The following SARDH variants were observed in gnomAD, a reference collection of about 807,000 sequenced individuals.
SARDH encodes the protein sarcosine dehydrogenase, mitochondrial.
A neutral mutation model predicts 109.1 loss-of-function variants in SARDH; 95 were observed. The observed-to-expected ratio is 0.87, with a 90% CI of 0.74 to 1.03. SARDH has a LOEUF of 1.03. Ranked by LOEUF, SARDH falls within the 50% of genes least tolerant of loss-of-function variation. SARDH has a pLI of 0.00. For missense variants in SARDH, 1,267 were observed against 1,287.8 expected (o/e 0.98, Z 0.25); for synonymous variants, 572 against 534.8 (o/e 1.07, Z -0.96).
Position 133,712,566 on chromosome 9 carries a change from C to A in SARDH, c.1328+53G>T. ...TCAGTAGCCCTCGCTGTTTACCCCA[C>A]GCCACCTGTCCTGAGTGGCGGGCCC... On this transcript the variant is annotated intron_variant, in intron 10 of 20. Transcript: ENST00000439388. This position sits in a 1 kb window ranked among gnomAD's most constrained non-coding sequence, Gnocchi z 4.1. The A allele has an allele frequency of 6.6e-7, 1 of 1,511,266 alleles. No homozygotes were observed. Among genetic ancestry groups the A allele is most frequent in the East Asian group, 2.3e-5 (1 of 44,258 alleles). 93.6% of individuals were successfully genotyped at this position (1,511,266 alleles called of 1,614,324 possible). A position where few individuals can be genotyped will look rare whatever the true frequency, so the allele number is the denominator to read the frequency against.
At chr9:133,683,820 T>C (rs950761062) in intron 17 of SARDH, among the ~76,000 whole-genome samples, 1 of 152,170 alleles carries the variant, frequency 6.6e-6, no homozygotes, top group African/African-American at 2.4e-5. Flanking sequence ...TTCCTTAGCA[T>C]TTCCCCACCC....
intron 1 of SARDH, among the ~76,000 whole-genome samples, chr9:133,734,519 T>G (rs1832816453): frequency 6.6e-6 from 1 of 152,220 alleles, no homozygotes; most frequent in Non-Finnish European, 1.5e-5. Flanking sequence ...TGCAGCAGGC[T>G]CTGTCAGTGC....
chr9:133,727,383 C>T (rs1185990879), intron 6 of SARDH, among the ~76,000 whole-genome samples: 2 of 152,348 alleles, frequency 1.3e-5, no homozygotes, highest in Middle Eastern at 3.4e-3. Flanking sequence ...GGGTAGACAG[C>T]GTCCTGCTGC....
intron 6 of SARDH, 101 bp downstream of exon 6, chr9:133,729,664 G>A: frequency 1.1e-6 from 1 of 951,454 alleles, no homozygotes; most frequent in East Asian, 2.4e-5. Context: ...GGGCAGTGAG[G>A]GGACCCACAA....
At chr9:133,690,782 T>C (rs1831063280) in intron 15 of SARDH, among the ~76,000 whole-genome samples, 1 of 151,972 alleles carries the variant, frequency 6.6e-6, no homozygotes, top group Non-Finnish European at 1.5e-5. Context: ...TGCAGACACC[T>C]CAAAGGGATG....
At chr9:133,659,806 T>G (rs1056783176), downstream of SARDH, among the ~76,000 whole-genome samples, 12 of 152,116 alleles carry the variant, frequency 7.9e-5, no homozygotes, top group Non-Finnish European at 1.3e-4. Flanking sequence ...ACTCCGGCCC[T>G]CTGTCATCTT....
chr9:133,663,143 C>T (rs1588360344), downstream of SARDH, among the ~76,000 whole-genome samples: 1 of 152,224 alleles, frequency 6.6e-6, no homozygotes, highest in Admixed American at 6.5e-5. Context: ...CCCAGCAGCA[C>T]GTCCCTCCTG....
rs1369055056 is a variant in SARDH at position 133,708,416 on chromosome 9, G to C, written c.1341C>G (p.His447Gln). ...TCCAGCGGGGGTGGTCCGTGAGCGA[G>C]TGATGGAAGCGCCTGCCGCAGACAG... is the stretch of plus-strand genomic sequence containing the variant. ...MHGYDIRRFH[H>Q]SLTDHPRWIR... Residue 447 changes from histidine (H) to glutamine (Q), a missense_variant, in exon 11 of 21, where the codon CAC (histidine) becomes CAG (glutamine). Coordinates refer to ENST00000439388, the MANE Select transcript of SARDH (RefSeq NM_001134707.2). The C allele has an allele frequency of 1.9e-6, 3 of 1,610,558 alleles. No individual in the cohort carries two copies. The highest frequency in any genetic ancestry group is 2.5e-6 in the Non-Finnish European group (3 of 1,178,878).
intron 19 of SARDH, among the ~76,000 whole-genome samples, chr9:133,667,420 C>T (rs2131316368): frequency 6.6e-6 from 1 of 152,130 alleles, no homozygotes; most frequent in East Asian, 1.9e-4. Flanking sequence ...CCCACCTCAG[C>T]CTCCCAAAGT....
chr9:133,719,588 G>A (rs989059919), intron 6 of SARDH, among the ~76,000 whole-genome samples: 16 of 152,266 alleles, frequency 1.1e-4, no homozygotes, highest in African/African-American at 3.9e-4. Context: ...GGAGAGGTGG[G>A]TCCTGAGAGG....
downstream of SARDH, among the ~76,000 whole-genome samples, chr9:133,660,274 T>C (rs1832396317): frequency 6.6e-6 from 1 of 152,010 alleles, no homozygotes; most frequent in Non-Finnish European, 1.5e-5. Context: ...AGTTTCTGTT[T>C]CCATTGATGG....
Position 133,731,308 on chromosome 9 carries a change from T to C in SARDH, c.687A>G (p.Ala229=). 2 of 1,614,056 alleles carry C rather than the reference T, an allele frequency of 1.2e-6. No homozygotes were observed. The highest frequency in any genetic ancestry group is 8.5e-7 in the Non-Finnish European group (1 of 1,179,978). The change falls in exon 4 of 21, where the codon GCA becomes GCG. Residue 229 remains alanine, a synonymous_variant. Transcript: ENST00000439388. ...TLARAASARG[A]QVIENCPVTG... is the part of the protein sequence containing the mutation. ...AGAGCCAGGCGGCCATCAGTACCTG[T>C]GCTCCTCGGGCAGAAGCTGCCCTGG...
Position 133,712,823 on chromosome 9 carries a change from C to T in SARDH, c.1238-114G>A. ...ACAGACACTCCAAGCTCTGCTCTCA[C>T]ACCTGGGGTGCTGCACGCCTCCTGA... is the stretch of plus-strand genomic sequence containing the variant. On this transcript the variant is annotated intron_variant, in intron 9 of 20. Coordinates refer to ENST00000439388, the MANE Select transcript of SARDH (RefSeq NM_001134707.2). This position sits in a 1 kb window ranked among gnomAD's most constrained non-coding sequence, Gnocchi z 4.1. 9.3e-7 allele frequency: 1 copy of T among 1,075,258 alleles called. No individual in the cohort carries two copies. The highest frequency in any genetic ancestry group is 1.4e-6 in the Non-Finnish European group (1 of 734,690). 66.6% of individuals were successfully genotyped at this position (1,075,258 alleles called of 1,614,324 possible).
intron 6 of SARDH, among the ~76,000 whole-genome samples, chr9:133,719,640 C>T (rs1365305765): frequency 7.2e-6 from 1 of 139,202 alleles, no homozygotes; most frequent in African/African-American, 2.6e-5. Context: ...CCCCACCCCC[C>T]CACCCCAGGA....
rs148013965 is a variant in SARDH, at chr9:133,704,458, G to A, written c.1554+490C>T. 9.7e-3 allele frequency among the ~76,000 whole-genome samples: 1,474 copies of A among 152,240 alleles called. 24 individuals are homozygous for A. The highest frequency in any genetic ancestry group is 0.033 in the African/African-American group (1,374 of 41,508). ...AGGTCCCTGGGAGTCCCCAGAGGAC[G>A]CCCAGAGTCCAGGCCACTGTGAAAC... On this transcript the variant is annotated intron_variant, in intron 12 of 20. Coordinates refer to ENST00000439388, the MANE Select transcript of SARDH (RefSeq NM_001134707.2). The surrounding 1 kb of genome is among the most constrained non-coding windows in gnomAD (Gnocchi z 4.5).
At chr9:133,671,499 CG>C in intron 18 of SARDH, 35 bp downstream of exon 18, 1 of 1,524,062 alleles carries the variant, frequency 6.6e-7, no homozygotes, top group Admixed American at 2.1e-5. Flanking sequence ...CCACTGCGCC[CG>C]CCCCCGCCCC....
chr9:133,696,417 C>T (rs1173111419), intron 13 of SARDH, 56 bp from the exon 14 acceptor site: 2 of 1,611,426 alleles, frequency 1.2e-6, no homozygotes, highest in Non-Finnish European at 1.7e-6. Flanking sequence ...TGTGCTTCTT[C>T]CTCAAGAACG....
chr9:133,705,180 A>T (rs1221802182), intron 11 of SARDH, 149 bp from the exon 12 acceptor site: 1 of 731,880 alleles, frequency 1.4e-6, no homozygotes, highest in African/African-American at 1.7e-5. Context: ...CAGTGTTTGC[A>T]GCTACCCTCA....
At chr9:133,714,281 G>A (rs1832039560) in intron 8 of SARDH, among the ~76,000 whole-genome samples, 1 of 152,228 alleles carries the variant, frequency 6.6e-6, no homozygotes, top group Non-Finnish European at 1.5e-5. Context: ...CGGGGAGCCT[G>A]GGCTAAGAGC....
Sources: gnomAD v4.1 joint callset for allele counts (sites outside exome capture counted in the v4.1 genomes callset) on GRCh38, gnomAD v4.1.1 for gene constraint, Gnocchi (gnomAD v3.1) non-coding constraint, MANE v1.5 for transcripts, NCBI Gene and HGNC (gene_info 2026-07-23, HGNC 2026-07-21) for gene names.